Variants in FMR1 observed in about 807,000 individuals in gnomAD.
FMR1 encodes fragile X messenger ribonucleoprotein 1, also known as FMRP translational regulator 1.
In FMR1, 13 loss-of-function variants were observed where a neutral mutation model predicts 50.6. That is an observed-to-expected ratio of 0.26 (90% CI 0.17 to 0.41). FMR1 has a LOEUF of 0.41. Among genes scored for constraint, FMR1 ranks in the 10% least tolerant of loss-of-function variants. The pLI, the probability that FMR1 is intolerant of heterozygous loss-of-function variation, is 1.00. For missense variants in FMR1, 316 were observed against 491.3 expected (o/e 0.64, Z 3.37); for synonymous variants, 138 against 164.1 (o/e 0.84, Z 1.22).
At chrX:147,944,461 G>C in intron 14 of FMR1, 1 of 753,325 alleles carries the variant, frequency 1.3e-6, no homozygotes, top group Non-Finnish European at 1.6e-6. Context: ...TCTGTCCTGG[G>C]CCAAATCTTG....
chrX:147,915,673 G>A (rs1255791191), intron 1 of FMR1, among the ~76,000 whole-genome samples: 1 of 111,793 alleles, frequency 8.9e-6, no homozygotes, highest in Non-Finnish European at 1.9e-5. Context: ...CTATAGGAAT[G>A]TGCTTCCTGA....
At chrX:147,945,188 C>G (rs2044133116) in intron 15 of FMR1, 137 bp downstream of exon 15, 1 of 935,791 alleles carries the variant, frequency 1.1e-6, no homozygotes, top group Non-Finnish European at 1.5e-6. Context: ...AGGAAAGGAT[C>G]AGCCTTCCAC....
chrX:147,948,058 A>G (rs926808179), intron 16 of FMR1, among the ~76,000 whole-genome samples: 3 of 112,006 alleles, frequency 2.7e-5, no homozygotes, highest in Non-Finnish European at 5.6e-5. Context: ...ATACTGTTCC[A>G]TTCTTCAGAC....
intron 14 of FMR1, chrX:147,944,121 A>T (rs1443811473): frequency 1.3e-6 from 1 of 750,346 alleles, no homozygotes; most frequent in African/African-American, 2.3e-5. Context: ...CCTAAGGCCA[A>T]CCTTGAACCT....
intron 9 of FMR1, among the ~76,000 whole-genome samples, chrX:147,933,053 C>A (rs1387079739): frequency 1.3e-5 from 1 of 74,611 alleles, no homozygotes; most frequent in Non-Finnish European, 2.5e-5. Context: ...CCCCTCCCCC[C>A]ACCCCACAAC....
chrX:147,931,021 A>G (rs901646972), intron 7 of FMR1: 3 of 112,203 alleles, frequency 2.7e-5, no homozygotes, highest in African/African-American at 6.5e-5. Context: ...TGTCAACTTG[A>G]TGTATGATGC....
At chrX:147,937,429 C>T (rs782120313) in intron 10 of FMR1, 37 bp from the exon 11 acceptor site, 2 of 955,891 alleles carry the variant, frequency 2.1e-6, no homozygotes, top group African/African-American at 3.8e-5. Context: ...TAAATTGGTC[C>T]TTTTTTTCTC....
intron 9 of FMR1, chrX:147,933,625 T>C: frequency 1.2e-6 from 1 of 853,658 alleles, no homozygotes; most frequent in Non-Finnish European, 1.4e-6. Flanking sequence ...CAAAACCAGG[T>C]GCAGTTTTAT....
intron 9 of FMR1, among the ~76,000 whole-genome samples, chrX:147,935,665 C>T (rs782123374): frequency 2.7e-5 from 3 of 111,716 alleles, no homozygotes; most frequent in Non-Finnish European, 5.7e-5. Context: ...CAGTCATTTT[C>T]CAGTAATGTA....
chrX:147,933,269 A>G (rs2043670018), intron 9 of FMR1: 1 of 327,756 alleles, frequency 3.1e-6, no homozygotes. Context: ...CTGACTGTAT[A>G]CCTTTTATAT....
chrX:147,935,109 T>G (rs978337790), intron 9 of FMR1, among the ~76,000 whole-genome samples: 1 of 112,050 alleles, frequency 8.9e-6, no homozygotes, highest in Non-Finnish European at 1.9e-5. Flanking sequence ...CAACATTAAT[T>G]CATGAAAATG....
intron 2 of FMR1, among the ~76,000 whole-genome samples, chrX:147,924,458 G>A (rs1394245374): frequency 1.0e-5 from 1 of 98,906 alleles, no homozygotes; most frequent in Non-Finnish European, 2.0e-5. Context: ...TTGTCTTTCA[G>A]TATTTTATTT....
chrX:147,947,525 A>G (rs1310398197), intron 16 of FMR1: 7 of 109,980 alleles, frequency 6.4e-5, no homozygotes, highest in Non-Finnish European at 1.3e-4. Flanking sequence ...CCTGGCTAAC[A>G]TGGTGAAACC....
chrX:147,948,518 T>C, intron 16 of FMR1, 165 bp from the exon 17 acceptor site: 1 of 1,098,560 alleles, frequency 9.1e-7, no homozygotes, highest in Non-Finnish European at 1.2e-6. Context: ...ATAAACCAAA[T>C]AAAGAATCCT....
intron 1 of FMR1, among the ~76,000 whole-genome samples, chrX:147,921,051 G>A (rs1557176308): frequency 9.0e-6 from 1 of 111,679 alleles, no homozygotes; most frequent in Non-Finnish European, 1.9e-5. Context: ...ACCACTGAAG[G>A]GGAGAAACAT....
At chrX:147,940,872 A>G (rs2043977267) in intron 13 of FMR1, among the ~76,000 whole-genome samples, 1 of 111,930 alleles carries the variant, frequency 8.9e-6, no homozygotes, top group African/African-American at 3.2e-5. Flanking sequence ...CCAGTTTTCA[A>G]TAAAATTTTA....
At chrX:147,915,457 G>A (rs2042809967) in intron 1 of FMR1, among the ~76,000 whole-genome samples, 2 of 111,653 alleles carry the variant, frequency 1.8e-5, no homozygotes, top group South Asian at 7.4e-4. Flanking sequence ...CTTCGAGGAA[G>A]TGAATTATTG....
In FMR1 at chrX:147,927,042, T is replaced by A. The variant is rs782379981; in HGVS notation, c.199-1280T>A. Among the ~76,000 whole-genome samples the A allele has an allele frequency of 5.4e-4, 61 of 112,019 alleles. 2 individuals are homozygous for A. The highest frequency in any genetic ancestry group is 2.1e-4 in the Non-Finnish European group (11 of 53,173). On this transcript the variant is annotated intron_variant, in intron 3 of 16. Coordinates refer to ENST00000370475, the MANE Select transcript of FMR1 (RefSeq NM_002024.6). The stretch of plus-strand genomic sequence containing the variant: ...ACAGTTTTAAAGTGGACATAGGATA[T>A]AGTGTTATTTATTTTCCAAAAATGT...
intron 1 of FMR1, among the ~76,000 whole-genome samples, chrX:147,916,586 CT>C (rs782499537): frequency 9.2e-6 from 1 of 109,224 alleles, no homozygotes; most frequent in East Asian, 2.8e-4. Context: ...TTCTTCCTTT[CT>C]TTTCCTTTCT....
Sources: allele counts gnomAD v4.1 joint callset (sites outside exome capture counted in the v4.1 genomes callset), GRCh38; gene constraint gnomAD v4.1.1; transcripts MANE v1.5; gene names NCBI Gene and HGNC (gene_info 2026-07-23, HGNC 2026-07-21).